Variants in PIWIL3 observed in about 807,000 individuals in gnomAD.
The protein encoded by PIWIL3 is piwi like RNA-mediated gene silencing 3.
A neutral mutation model predicts 109.7 loss-of-function variants in PIWIL3; 101 were observed. That is an observed-to-expected ratio of 0.92 (90% CI 0.78 to 1.09). The LOEUF (loss-of-function observed/expected upper bound fraction) is 1.09. Among genes scored for constraint, PIWIL3 ranks in the 50% least tolerant of loss-of-function variants. The pLI, the probability that PIWIL3 is intolerant of heterozygous loss-of-function variation, is 0.00. For synonymous variants in PIWIL3, 373 were observed against 376.4 expected (o/e 0.99, Z 0.10); for missense variants, 1,031 against 1,072.6 (o/e 0.96, Z 0.54).
rs754903793 is a variant in PIWIL3 at position 24,756,507 on chromosome 22, C to A, written c.554G>T (p.Arg185Leu). ...IFDGNSLLLSRPLKERRVEWL... is the reference protein window; with the variant it reads ...IFDGNSLLLSLPLKERRVEWL... The stretch of plus-strand genomic sequence containing the variant: ...TTACTTAACCCGCTCTTTTAGTGGC[C>A]GAGATAATAATAAAGAGTTTCCATC... The change falls in exon 5 of 21, where the codon CGG (arginine) becomes CTG (leucine). Residue 185 changes from arginine to leucine, a missense_variant. Physicochemically the swap from Arg to Leu is moderately radical, Grantham distance 102. Coordinates refer to ENST00000616349, the MANE Select transcript of PIWIL3 (RefSeq NM_001255975.1). 81 of 1,613,408 alleles carry A rather than the reference C, an allele frequency of 5.0e-5. No homozygotes were observed. The highest frequency in any genetic ancestry group is 6.7e-5 in the Non-Finnish European group (79 of 1,179,776).
chr22:24,754,322 T>A, intron 7 of PIWIL3, 105 bp from the exon 8 acceptor site: 1 of 841,216 alleles, frequency 1.2e-6, no homozygotes, highest in Non-Finnish European at 1.8e-6. Context: ...GAGTCAGTTT[T>A]AAGTATTTAT....
At chr22:24,741,071 G>A (rs996219359) in intron 12 of PIWIL3, among the ~76,000 whole-genome samples, 1 of 152,168 alleles carries the variant, frequency 6.6e-6, no homozygotes, top group African/African-American at 2.4e-5. Flanking sequence ...ATGATCAAGT[G>A]GGCTTTGTAC....
In PIWIL3 at chr22:24,740,562, G is replaced by GAA. The variant is rs935776888; in HGVS notation, c.1450-4672_1450-4671dup. On this transcript the variant is annotated intron_variant, in intron 12 of 20. Coordinates refer to ENST00000616349, the MANE Select transcript of PIWIL3 (RefSeq NM_001255975.1). The stretch of plus-strand genomic sequence containing the variant: ...GACTCCATCTCAAAAAAAAAAAAAA[G>GAA]AAAGAAACTGGAGATATTACAACTG... Among the ~76,000 whole-genome samples the GAA allele has an allele frequency of 2.9e-5, 4 of 139,534 alleles. 1 individual carries two copies. The East Asian group carries it at 8.4e-4, about 29-fold the overall frequency. The allele number at this position is 139,534 out of a possible 152,430, so 91.5% of individuals were successfully genotyped here.
intron 18 of PIWIL3, 102 bp from the exon 19 acceptor site, chr22:24,723,357 G>C (rs1334909618): frequency 8.1e-7 from 1 of 1,236,134 alleles, no homozygotes; most frequent in African/African-American, 1.5e-5. Context: ...CCATTAAGAA[G>C]AACAGACAGC....
chr22:24,749,698 A>C lies in PIWIL3; in HGVS notation c.1211T>G (p.Met404Arg). The change falls in exon 10 of 21, where the codon ATG becomes AGG. Residue 404 changes from methionine to arginine, a missense_variant. Coordinates refer to ENST00000616349, the MANE Select transcript of PIWIL3 (RefSeq NM_001255975.1). The stretch of plus-strand genomic sequence containing the variant: ...GGGCTGTAATCCATCAGTACCTGTC[A>C]TGTGGCACAGCTGAGGAATCAGCAG... ...PILLIPQLCH[M>R]TGLTDEICKD... 1.2e-6 allele frequency: 2 copies of C among 1,614,112 alleles called. No homozygotes were observed. The highest frequency in any genetic ancestry group is 1.7e-6 in the Non-Finnish European group (2 of 1,179,982).
At chr22:24,770,575 C>A (rs1381034235) in intron 1 of PIWIL3, among the ~76,000 whole-genome samples, 1 of 150,538 alleles carries the variant, frequency 6.6e-6, no homozygotes, top group Non-Finnish European at 1.5e-5. Context: ...GTAATCTCAG[C>A]ACTTTGGGAA....
intron 11 of PIWIL3, 129 bp downstream of exon 11, chr22:24,749,275 C>T (rs1466098083): frequency 2.1e-6 from 3 of 1,420,210 alleles, no homozygotes; most frequent in African/African-American, 1.4e-5. Context: ...GAGTTGTCCC[C>T]CAACATCAAA....
intron 1 of PIWIL3, among the ~76,000 whole-genome samples, chr22:24,771,476 CAA>C (rs60085341): frequency 0.063 from 7,195 of 114,278 alleles, 285 homozygotes; most frequent in African/African-American, 0.13. Flanking sequence ...GACTCCATCT[CAA>C]AAAAAAAAAA....
rs1892722 is a variant in PIWIL3, at chr22:24,749,504, A to G, written c.1234T>C (p.Cys412Arg). The change falls in exon 11 of 21, where the codon TGT (cysteine) becomes CGT (arginine). Residue 412 changes from cysteine to arginine, a missense_variant. Physicochemically the swap from Cys to Arg is radical, Grantham distance 180. Coordinates refer to ENST00000616349, the MANE Select transcript of PIWIL3 (RefSeq NM_001255975.1). ...TCTTTCACAATGCTATAATCTTTAC[A>G]TATTTCATCTGTTAGACCTTTAAAA... The part of the protein sequence containing the change: ...CHMTGLTDEI[C>R]KDYSIVKELA... 979,718 of 1,612,520 alleles carry G rather than the reference A, an allele frequency of 0.61. 299,295 individuals carry two copies. The highest frequency in any genetic ancestry group is 0.74 in the East Asian group (33,016 of 44,848).
At chr22:24,757,770 C>G (rs1925175213) in intron 4 of PIWIL3, 138 bp downstream of exon 4, 1 of 1,040,330 alleles carries the variant, frequency 9.6e-7, no homozygotes, top group Admixed American at 2.9e-5. Flanking sequence ...TCAGCTGAGC[C>G]CAGGAGTTTG....
In PIWIL3 at chr22:24,719,941, G is replaced by T. The variant is rs372720948; in HGVS notation, c.2358-46C>A. 23 of 1,475,404 alleles carry T rather than the reference G, an allele frequency of 1.6e-5. No homozygotes were observed. In the East Asian group the frequency reaches 4.4e-4, roughly 28 times the overall value. 91.4% of individuals were successfully genotyped at this position (1,475,404 alleles called of 1,614,324 possible). A position where few individuals can be genotyped will look rare whatever the true frequency, so the allele number is the denominator to read the frequency against. On this transcript the variant is annotated intron_variant, in intron 19 of 20. Transcript: ENST00000616349. ...GGTATCAGCTCATTTTAGAAAGAGG[G>T]TATATAGTAAACTTAATGTCTGAAA...
intron 14 of PIWIL3, among the ~76,000 whole-genome samples, chr22:24,730,469 G>A (rs1201881095): frequency 6.6e-6 from 1 of 151,786 alleles, no homozygotes; most frequent in Non-Finnish European, 1.5e-5. Context: ...CCACTGATGT[G>A]TTTAGAGATT....
chr22:24,773,595 C>T (rs1362133658), intron 1 of PIWIL3, among the ~76,000 whole-genome samples: 3 of 151,896 alleles, frequency 2.0e-5, no homozygotes, highest in African/African-American at 7.3e-5. Context: ...TTTTATTTAT[C>T]ATCACGTCAG....
chr22:24,762,509 G>A lies in PIWIL3; in HGVS notation c.-10C>T, dbSNP rs1408892230. The A allele has an allele frequency of 3.7e-6, 6 of 1,609,222 alleles. No homozygotes were observed. Among genetic ancestry groups the A allele is most frequent in the African/African-American group, 2.7e-5 (2 of 74,716 alleles). On this transcript the variant is annotated 5_prime_UTR_variant, in exon 2 of 21. Transcript: ENST00000616349. ...TTGCCCTACCAGGCATTGTGGTCCTGAAGGTGATGACCCTGAAGAATACAG... is the reference window on the plus strand; with the variant it reads ...TTGCCCTACCAGGCATTGTGGTCCTAAAGGTGATGACCCTGAAGAATACAG...
At chr22:24,747,183 T>C (rs1601838918) in intron 12 of PIWIL3, among the ~76,000 whole-genome samples, 2 of 152,130 alleles carry the variant, frequency 1.3e-5, no homozygotes, top group South Asian at 4.1e-4. Flanking sequence ...CCATATCTAC[T>C]GTGAACTCAT....
At chr22:24,728,644 TAAC>T (rs756907645) in intron 14 of PIWIL3, among the ~76,000 whole-genome samples, 42 of 152,232 alleles carry the variant, frequency 2.8e-4, no homozygotes, top group Non-Finnish European at 5.3e-4. Flanking sequence ...AAATTATAAT[TAAC>T]ATTATAAACT....
intron 12 of PIWIL3, among the ~76,000 whole-genome samples, chr22:24,747,570 C>T (rs573134261): frequency 1.3e-5 from 2 of 152,134 alleles, no homozygotes; most frequent in South Asian, 4.1e-4. Context: ...GATTAATAAC[C>T]AAAATCTAAG....
rs558841118 is a variant in PIWIL3, at chr22:24,771,234, G to A, written c.-23+3088C>T. On this transcript the variant is annotated intron_variant, in intron 1 of 20. Coordinates refer to ENST00000616349, the MANE Select transcript of PIWIL3 (RefSeq NM_001255975.1). Reference sequence around the variant, plus strand: ...TCCCAACACTTTGGGAGGCTGAGGCGAGCGAATCATGAGGTCAGGAGATCG... The same window carrying A: ...TCCCAACACTTTGGGAGGCTGAGGCAAGCGAATCATGAGGTCAGGAGATCG... Among the ~76,000 whole-genome samples the A allele has an allele frequency of 5.3e-4, 80 of 151,970 alleles. 2 individuals are homozygous for A. Among genetic ancestry groups the A allele is most frequent in the South Asian group, 1.0e-3 (5 of 4,798 alleles).
intron 1 of PIWIL3, among the ~76,000 whole-genome samples, chr22:24,771,062 C>T (rs571830807): frequency 1.7e-4 from 26 of 152,126 alleles, no homozygotes; most frequent in Non-Finnish European, 2.9e-4. Flanking sequence ...CCTGCGTGCT[C>T]CCCATGCCAA....
Sources: allele counts gnomAD v4.1 joint callset (sites outside exome capture counted in the v4.1 genomes callset), GRCh38; gene constraint gnomAD v4.1.1; transcripts MANE v1.5; gene names NCBI Gene and HGNC (gene_info 2026-07-23, HGNC 2026-07-21).